ERMARD: variants seen among roughly 807,000 people sequenced by gnomAD.
ERMARD encodes ER membrane associated RNA degradation.
Under a neutral mutation model 83.9 loss-of-function variants are expected in ERMARD, and 71 were observed. The observed-to-expected ratio is 0.85, with a 90% CI of 0.70 to 1.03. The LOEUF (loss-of-function observed/expected upper bound fraction) is 1.03. ERMARD is among the 50% of genes least tolerant of loss of function. The probability of loss-of-function intolerance (pLI) is 0.00; values close to 1 mark genes in which losing one functional copy is unlikely to be tolerated. For missense variants in ERMARD, 838 were observed against 810.9 expected, an observed-to-expected ratio of 1.03 and a Z score of -0.41; for synonymous variants, 284 against 298.6, an observed-to-expected ratio of 0.95 and a Z score of 0.50.
intron 9 of ERMARD, among the ~76,000 whole-genome samples, chr6:169,765,923 C>CA (rs1792142396): frequency 1.2e-5 from 1 of 84,114 alleles, no homozygotes; most frequent in African/African-American, 6.5e-5. Context: ...GTGATTTCGT[C>CA]ACGCTGTCTG....
chr6:169,777,574 A>G (rs889900769), intron 16 of ERMARD, among the ~76,000 whole-genome samples: 28 of 152,182 alleles, frequency 1.8e-4, no homozygotes, highest in African/African-American at 6.5e-4. Context: ...AAATATTACC[A>G]AGCTTCTAAA....
chr6:169,767,599 C>T, intron 10 of ERMARD: 1 of 167,338 alleles, frequency 6.0e-6, no homozygotes, highest in Non-Finnish European at 1.3e-5. Context: ...CACACATACA[C>T]ACACACACAT....
At chr6:169,768,026 T>C (rs1792436347) in intron 10 of ERMARD, 77 bp from the exon 11 acceptor site, 3 of 1,180,672 alleles carry the variant, frequency 2.5e-6, no homozygotes, top group Non-Finnish European at 2.5e-6. Context: ...AAAAGTACTA[T>C]ATCCATCAAC....
chr6:169,762,065 T>G (rs1791623724), intron 8 of ERMARD, among the ~76,000 whole-genome samples: 2 of 152,130 alleles, frequency 1.3e-5, no homozygotes, highest in Non-Finnish European at 2.9e-5. Context: ...TATTGTGATG[T>G]TGGTGTCAAT....
intron 9 of ERMARD, among the ~76,000 whole-genome samples, chr6:169,764,119 C>T (rs1791893692): frequency 6.6e-6 from 1 of 152,230 alleles, no homozygotes; most frequent in African/African-American, 2.4e-5. Flanking sequence ...GTGGTTTCCA[C>T]CCAGCTGACC....
At chr6:169,754,791 C>G (rs1206947177) in intron 2 of ERMARD, among the ~76,000 whole-genome samples, 3 of 151,966 alleles carry the variant, frequency 2.0e-5, no homozygotes, top group African/African-American at 4.8e-5. Context: ...GATGGTTAAT[C>G]CCAAACTTAT....
chr6:169,774,388 T>C (rs1793337634), intron 13 of ERMARD, among the ~76,000 whole-genome samples: 1 of 152,174 alleles, frequency 6.6e-6, no homozygotes, highest in African/African-American at 2.4e-5. Flanking sequence ...CCAGTGGGGA[T>C]GCCGTGCTTT....
upstream of ERMARD, chr6:169,751,565 T>C (rs1790080878): frequency 1.3e-5 from 21 of 1,608,800 alleles, no homozygotes; most frequent in Admixed American, 8.5e-5. Flanking sequence ...CCTCGTACGG[T>C]AGGAAGTGCC....
intron 16 of ERMARD, among the ~76,000 whole-genome samples, chr6:169,777,181 T>C (rs1793705230): frequency 6.6e-6 from 1 of 152,194 alleles, no homozygotes; most frequent in African/African-American, 2.4e-5. Context: ...TGTGGCTCAG[T>C]GAAGCTGCAT....
At position 169,781,408 on chromosome 6, in the gene ERMARD, T is replaced by C; in HGVS notation, c.1932T>C (p.Thr644=). The C allele has an allele frequency of 1.9e-6, 3 of 1,613,636 alleles. No homozygotes were observed. Among genetic ancestry groups the C allele is most frequent in the Non-Finnish European group, 2.5e-6 (3 of 1,179,878 alleles). ...TSYEKNKWNE[T]INLTHTALLK... is the part of the protein sequence containing the mutation. ...ACGAAAAGAACAAGTGGAATGAAAC[T>C]ATCAATCTTACACATACAGCTTTGT... The change falls in exon 18 of 18, where the codon ACT becomes ACC. Residue 644 remains threonine (T), a synonymous_variant. Coordinates refer to ENST00000366773, the MANE Select transcript of ERMARD (RefSeq NM_018341.3).
intron 8 of ERMARD, among the ~76,000 whole-genome samples, chr6:169,762,139 G>C (rs1791632633): frequency 6.6e-6 from 1 of 152,112 alleles, no homozygotes; most frequent in Non-Finnish European, 1.5e-5. Context: ...AAGCTAGAGT[G>C]TAGTAGCACA....
chr6:169,755,509 C>G, intron 3 of ERMARD, 87 bp downstream of exon 3: 1 of 1,519,680 alleles, frequency 6.6e-7, no homozygotes, highest in Non-Finnish European at 8.9e-7. Flanking sequence ...AAAGGGGCCT[C>G]CTTCATCCCC....
intron 9 of ERMARD, among the ~76,000 whole-genome samples, chr6:169,763,099 C>CT (rs1356623927): frequency 6.6e-6 from 1 of 152,204 alleles, no homozygotes; most frequent in Non-Finnish European, 1.5e-5. Context: ...GCAAGCGTCT[C>CT]TGAGTTTCCA....
rs987946008 is a variant in ERMARD, at chr6:169,760,514, C to T, written c.743-128C>T. 12 of 654,420 alleles carry T rather than the reference C, an allele frequency of 1.8e-5. No individual in the cohort carries two copies. The South Asian group carries it at 2.0e-4, about 11-fold the overall frequency. The allele number at this position is 654,420 out of a possible 1,614,324, so 40.5% of individuals were successfully genotyped here. A position where few individuals can be genotyped will look rare whatever the true frequency, so the allele number is the denominator to read the frequency against. ...GGGCAATCCTACTCTCTAACAAGTC[C>T]CCTGCTGCAGGGGTCACGGTTCAGC... On this transcript the variant is annotated intron_variant, in intron 7 of 17. Coordinates refer to ENST00000366773, the MANE Select transcript of ERMARD (RefSeq NM_018341.3).
At chr6:169,780,594 G>A (rs1794089756) in intron 17 of ERMARD, among the ~76,000 whole-genome samples, 1 of 152,138 alleles carries the variant, frequency 6.6e-6, no homozygotes. Context: ...TCTCTGAGCC[G>A]GCCCCTCCAT....
intron 13 of ERMARD, among the ~76,000 whole-genome samples, chr6:169,775,011 A>C (rs1430841476): frequency 6.6e-6 from 1 of 151,796 alleles, no homozygotes; most frequent in Non-Finnish European, 1.5e-5. Flanking sequence ...CCTCCCTCTC[A>C]ATGGCAGGTG....
At chr6:169,760,499 ACTCT>A in intron 7 of ERMARD, 139 bp from the exon 8 acceptor site, 3 of 618,502 alleles carry the variant, frequency 4.9e-6, no homozygotes, top group East Asian at 5.7e-5. Flanking sequence ...GGGCAATCCT[ACTCT>A]CTAACAAGTC....
At chr6:169,781,212 C>A in intron 17 of ERMARD, 118 bp from the exon 18 acceptor site, 1 of 887,386 alleles carries the variant, frequency 1.1e-6, no homozygotes, top group South Asian at 1.9e-5. Flanking sequence ...CTTGAATCCT[C>A]AGACATAAAT....
chr6:169,768,223 C>T, intron 11 of ERMARD, 52 bp downstream of exon 11: 1 of 1,480,190 alleles, frequency 6.8e-7, no homozygotes, highest in Non-Finnish European at 9.4e-7. Flanking sequence ...TGGATGTCGT[C>T]AGCACTTCTC....
Sources: gnomAD v4.1 joint callset for allele counts (sites outside exome capture counted in the v4.1 genomes callset) on GRCh38, gnomAD v4.1.1 for gene constraint, MANE v1.5 for transcripts, NCBI Gene and HGNC (gene_info 2026-07-23, HGNC 2026-07-21) for gene names.